The following JHY variants were observed in gnomAD, a reference collection of about 807,000 sequenced individuals.
JHY encodes the protein junctional cadherin complex regulator.
Under a neutral mutation model 78.0 loss-of-function variants are expected in JHY, and 69 were observed. The ratio of observed to expected loss-of-function variants is 0.88; its 90% CI spans 0.73 to 1.08. JHY has a LOEUF of 1.08. Ranked by LOEUF, JHY falls within the 50% of genes least tolerant of loss-of-function variation. JHY has a pLI of 0.00. For missense variants in JHY, 944 were observed against 927.8 expected (o/e 1.02, Z -0.23); for synonymous variants, 368 against 342.6 (o/e 1.07, Z -0.82).
In JHY at chr11:122,960,759, A is replaced by G. The variant is rs1456402895; in HGVS notation, c.*1314A>G. 4.2e-6 allele frequency: 2 copies of G among 479,552 alleles called. No individual in the cohort carries two copies. Among genetic ancestry groups the G allele is most frequent in the Non-Finnish European group, 8.3e-6 (2 of 241,616 alleles). The allele number at this position is 479,552 out of a possible 1,614,324, so 29.7% of individuals were successfully genotyped here. A position where few individuals can be genotyped will look rare whatever the true frequency, so the allele number is the denominator to read the frequency against. ...ACTAGAAGAGGTGAAGCAGGCTTCC[A>G]TCAAACAAATCCAGGATGCAATTGA... On this transcript the variant is annotated 3_prime_UTR_variant, in exon 9 of 9. Coordinates refer to ENST00000227349, the MANE Select transcript of JHY (RefSeq NM_024806.4).
chr11:122,901,540 C>A (rs1343520037), intron 2 of JHY, among the ~76,000 whole-genome samples: 7 of 151,568 alleles, frequency 4.6e-5, no homozygotes, highest in Admixed American at 4.6e-4. Context: ...TATAAAAATT[C>A]TTTATATCCT....
intron 2 of JHY, among the ~76,000 whole-genome samples, chr11:122,894,552 A>G (rs151166676): frequency 1.0e-3 from 156 of 152,380 alleles, no homozygotes; most frequent in African/African-American, 3.6e-3. Flanking sequence ...TGTGTCATAC[A>G]GCATTTCCCT....
intron 8 of JHY, chr11:122,958,685 G>A (rs1292860283): frequency 1.0e-6 from 1 of 962,648 alleles, no homozygotes; most frequent in African/African-American, 1.8e-5. Context: ...TTATTGTAAT[G>A]CCTTTCAGAA....
intron 5 of JHY, among the ~76,000 whole-genome samples, chr11:122,939,369 C>A (rs577992323): frequency 9.8e-5 from 15 of 152,310 alleles, no homozygotes; most frequent in African/African-American, 3.4e-4. Context: ...CTCCCACTTA[C>A]AGCTCATGAG....
At position 122,959,380 on chromosome 11, in the gene JHY, C is replaced by T; in HGVS notation, c.2272C>T (p.Leu758=). ...SLPEISLLEI[L]QNRHEREKQA... ...ACCTGAAATCTCACTGCTGGAAATA[C>T]TGCAGAACAGACACGAAAGGGAAAA... Residue 758 remains leucine (L), a synonymous_variant, in exon 9 of 9, where the codon CTG becomes TTG. Coordinates refer to ENST00000227349, the MANE Select transcript of JHY (RefSeq NM_024806.4). The T allele has an allele frequency of 6.2e-7, 1 of 1,614,134 alleles. No homozygotes were observed. The highest frequency in any genetic ancestry group is 8.5e-7 in the Non-Finnish European group (1 of 1,180,016).
At chr11:122,924,485 G>C (rs901013439) in intron 3 of JHY, among the ~76,000 whole-genome samples, 6 of 152,148 alleles carry the variant, frequency 3.9e-5, no homozygotes, top group Admixed American at 2.6e-4. Context: ...GGCACACCGC[G>C]AGCATTCCAT....
intron 4 of JHY, among the ~76,000 whole-genome samples, chr11:122,934,024 T>G (rs569764128): frequency 6.6e-6 from 1 of 152,304 alleles, no homozygotes; most frequent in Middle Eastern, 3.4e-3. Context: ...ATAAAGCCCA[T>G]TCTAAGCTTT....
intron 6 of JHY, among the ~76,000 whole-genome samples, chr11:122,954,342 T>C (rs1864149053): frequency 6.6e-6 from 1 of 152,166 alleles, no homozygotes; most frequent in East Asian, 1.9e-4. Flanking sequence ...AAGAGTTCAG[T>C]GCTGAGGAGA....
At chr11:122,927,012 T>C (rs1335853279) in intron 4 of JHY, 1 of 152,368 alleles carries the variant, frequency 6.6e-6, no homozygotes, top group African/African-American at 2.4e-5. Context: ...TCTCAGCTAA[T>C]GATAAAATGA....
rs1357406129 is a variant in JHY at position 122,882,962 on chromosome 11, G to A, written c.-100G>A. ...CCGTCCGGGTCGCGGCCGCGGAGGA[G>A]CGCCGGGCAGGTGACGGGCGGTGGC... On this transcript the variant is annotated 5_prime_UTR_variant, in exon 1 of 9. Coordinates refer to ENST00000227349, the MANE Select transcript of JHY (RefSeq NM_024806.4). 6.6e-6 allele frequency: 1 copy of A among 152,254 alleles called. No individual in the cohort carries two copies. The highest frequency in any genetic ancestry group is 2.4e-5 in the African/African-American group (1 of 41,344). The allele number at this position is 152,254 out of a possible 1,614,324, so 9.4% of individuals were successfully genotyped here.
At chr11:122,886,671 C>T (rs760520823) in intron 2 of JHY, among the ~76,000 whole-genome samples, 16 of 152,092 alleles carry the variant, frequency 1.1e-4, no homozygotes, top group Non-Finnish European at 2.1e-4. Flanking sequence ...TGGTCTTGAA[C>T]TCCTAGCCTC....
At chr11:122,949,902 T>C (rs1031742413) in intron 6 of JHY, among the ~76,000 whole-genome samples, 2 of 150,262 alleles carry the variant, frequency 1.3e-5, no homozygotes, top group African/African-American at 2.5e-5. Flanking sequence ...AGTGAAGCAA[T>C]CTCGGCTCAC....
At chr11:122,905,185 TA>T in intron 3 of JHY, 4 of 1,613,830 alleles carry the variant, frequency 2.5e-6, no homozygotes, top group African/African-American at 1.3e-5. Flanking sequence ...ATTTTGAGAG[TA>T]AATTCTCTCC....
intron 2 of JHY, among the ~76,000 whole-genome samples, chr11:122,888,840 G>C (rs1435904308): frequency 6.6e-6 from 1 of 152,042 alleles, no homozygotes; most frequent in Admixed American, 6.6e-5. Flanking sequence ...TGCCCATTTT[G>C]TTCAGTCAAC....
chr11:122,934,731 T>C lies in JHY; in HGVS notation c.1290T>C (p.Leu430=), dbSNP rs987400816. Residue 430 remains leucine, a synonymous_variant, in exon 5 of 9, where the codon CTT becomes CTC. Transcript: ENST00000227349. Reference sequence around the variant, plus strand: ...ATGATGTACAAGCCTCAAGGGCACTTAGAAGCCACAATCTCAAAGAAACCT... The same window carrying C: ...ATGATGTACAAGCCTCAAGGGCACTCAGAAGCCACAATCTCAAAGAAACCT... ...SNNDVQASRA[L]RSHNLKETSN... 1 of 1,614,176 alleles carries C rather than the reference T, an allele frequency of 6.2e-7. No homozygotes were observed. Among genetic ancestry groups the C allele is most frequent in the Non-Finnish European group, 8.5e-7 (1 of 1,180,034 alleles).
chr11:122,917,050 A>G lies in JHY; in HGVS notation c.865-7847A>G, dbSNP rs185973454. ...AAATCATTTAACTAAGTTTTCATGA[A>G]TATAACAACTCTCTATTCATGCTCA... On this transcript the variant is annotated intron_variant, in intron 3 of 8. Transcript: ENST00000227349. This position sits in a 1 kb window ranked among gnomAD's most constrained non-coding sequence, Gnocchi z 4.1. 1.8e-4 allele frequency among the ~76,000 whole-genome samples: 27 copies of G among 152,222 alleles called. 1 individual carries two copies. The Middle Eastern group carries it at 0.014, about 77-fold the overall frequency.
chr11:122,914,050 A>C (rs1292826817), intron 3 of JHY, among the ~76,000 whole-genome samples: 1 of 152,184 alleles, frequency 6.6e-6, no homozygotes, highest in Non-Finnish European at 1.5e-5. Flanking sequence ...GCAAATCACA[A>C]ACTCTTACTG....
intron 8 of JHY, chr11:122,959,006 AG>A (rs1864249300): frequency 1.0e-6 from 1 of 984,904 alleles, no homozygotes; most frequent in South Asian, 4.7e-5. Context: ...AAGCATCCAA[AG>A]GACACAACCG....
chr11:122,916,374 A>G (rs1352061719), intron 3 of JHY, among the ~76,000 whole-genome samples: 1 of 152,162 alleles, frequency 6.6e-6, no homozygotes, highest in African/African-American at 2.4e-5. Flanking sequence ...ATAACTATAT[A>G]CCGTAATTAC....
Sources: allele counts gnomAD v4.1 joint callset (sites outside exome capture counted in the v4.1 genomes callset), GRCh38; gene constraint gnomAD v4.1.1; non-coding constraint Gnocchi (gnomAD v3.1); transcripts MANE v1.5; gene names NCBI Gene and HGNC (gene_info 2026-07-23, HGNC 2026-07-21).